The following XIRP2 variants were observed in gnomAD, a reference collection of about 807,000 sequenced individuals.
XIRP2 encodes the protein xin actin binding repeat containing 2, also known as xin actin-binding repeat-containing protein 2.
A neutral mutation model predicts 277.0 loss-of-function variants in XIRP2; 236 were observed. The ratio of observed to expected loss-of-function variants is 0.85; its 90% confidence interval spans 0.77 to 0.95. XIRP2 has a LOEUF of 0.95. XIRP2 is among the 40% of genes least tolerant of loss of function. XIRP2 has a pLI of 0.00. For missense variants in XIRP2, 4,640 were observed against 4,157.5 expected (o/e 1.12, Z -3.19); for synonymous variants, 1,490 against 1,416.5 (o/e 1.05, Z -1.17).
intron 2 of XIRP2, among the ~76,000 whole-genome samples, chr2:167,035,918 G>A (rs894451157): frequency 6.6e-6 from 1 of 152,212 alleles, no homozygotes; most frequent in Admixed American, 6.5e-5. Flanking sequence ...ATGGCTGAAA[G>A]GGCCCAACAT....
In XIRP2 at chr2:167,244,477, T is replaced by A. The variant is rs1695182274; in HGVS notation, c.3085T>A (p.Phe1029Ile). Residue 1029 changes from phenylalanine to isoleucine, a missense_variant, in exon 9 of 11, where the codon TTT (phenylalanine) becomes ATT (isoleucine). By Grantham distance (21) the Phe-to-Ile change is conservative. Transcript: ENST00000409195. ...WLFETRPIDQ[F>I]DESIHKFQII... Reference sequence around the variant, plus strand: ...TTTTGAAACAAGGCCCATTGACCAGTTTGATGAAAGCATTCATAAATTTCA... The same window carrying A: ...TTTTGAAACAAGGCCCATTGACCAGATTGATGAAAGCATTCATAAATTTCA... 3 of 1,613,710 alleles carry A rather than the reference T, an allele frequency of 1.9e-6. No individual in the cohort carries two copies. The African/African-American group carries it at 4.0e-5, about 22-fold the overall frequency.
At chr2:167,034,079 A>G (rs959205364) in intron 2 of XIRP2, among the ~76,000 whole-genome samples, 4 of 152,200 alleles carry the variant, frequency 2.6e-5, no homozygotes, top group African/African-American at 9.6e-5. Context: ...CAATGTTTCA[A>G]GACATAAACA....
intron 2 of XIRP2, among the ~76,000 whole-genome samples, chr2:167,135,480 A>G (rs1157653803): frequency 6.6e-6 from 1 of 152,156 alleles, no homozygotes; most frequent in East Asian, 1.9e-4. Flanking sequence ...TAAGGTTATC[A>G]TTACAGGGTG....
At chr2:166,929,064 A>C (rs1685260170) in intron 2 of XIRP2, among the ~76,000 whole-genome samples, 1 of 152,074 alleles carries the variant, frequency 6.6e-6, no homozygotes. Context: ...ACTGATCCCC[A>C]ACCAGCAGCC....
chr2:167,088,379 C>T (rs1360274162), intron 2 of XIRP2, among the ~76,000 whole-genome samples: 2 of 152,122 alleles, frequency 1.3e-5, no homozygotes, highest in Non-Finnish European at 2.9e-5. Context: ...TGTTTCCACA[C>T]CACTGCCACT....
intron 2 of XIRP2, among the ~76,000 whole-genome samples, chr2:167,086,897 T>C (rs1222755722): frequency 1.3e-5 from 2 of 152,218 alleles, no homozygotes; most frequent in Admixed American, 1.3e-4. Flanking sequence ...AATGTCCTCC[T>C]GTAGCTCAGA....
intron 2 of XIRP2, among the ~76,000 whole-genome samples, chr2:167,104,762 G>A (rs1311907170): frequency 1.3e-5 from 2 of 151,996 alleles, no homozygotes; most frequent in African/African-American, 4.8e-5. Context: ...AGACATGTAT[G>A]AACCAAATCA....
intron 3 of XIRP2, among the ~76,000 whole-genome samples, chr2:167,203,412 A>C (rs1693774609): frequency 6.6e-6 from 1 of 152,166 alleles, no homozygotes; most frequent in Non-Finnish European, 1.5e-5. Flanking sequence ...AAATGAATGG[A>C]TGGATTTTTG....
chr2:167,069,294 A>G (rs1260563116), intron 2 of XIRP2, among the ~76,000 whole-genome samples: 1 of 152,114 alleles, frequency 6.6e-6, no homozygotes, highest in Non-Finnish European at 1.5e-5. Flanking sequence ...AGATGGTTGA[A>G]TTCACTAATG....
In XIRP2 at chr2:167,249,097, A is replaced by G. The variant is rs1229812042; in HGVS notation, c.7705A>G (p.Asn2569Asp). Reference protein sequence around the residue: ...EKQKQESSYYNIVKTQSQNQH... With the variant: ...EKQKQESSYYDIVKTQSQNQH... ...ACAGAAACAGGAGAGTTCTTACTAC[A>G]ACATTGTTAAAACTCAAAGCCAAAA... is the stretch of plus-strand genomic sequence containing the variant. Residue 2569 changes from asparagine to aspartate, a missense_variant, in exon 9 of 11, where the codon AAC becomes GAC. Asn to Asp is a conservative substitution (Grantham distance 23). Transcript: ENST00000409195. 4 of 1,613,678 alleles carry G rather than the reference A, an allele frequency of 2.5e-6. No individual in the cohort carries two copies. The highest frequency in any genetic ancestry group is 3.4e-6 in the Non-Finnish European group (4 of 1,179,816).
chr2:167,093,216 A>T (rs1690199501), intron 2 of XIRP2, among the ~76,000 whole-genome samples: 1 of 151,720 alleles, frequency 6.6e-6, no homozygotes, highest in African/African-American at 2.4e-5. Context: ...TATTAAGTAG[A>T]TATTAAGAAT....
rs953910968 is a variant in XIRP2, at chr2:167,215,851, A to G, written c.724-2315A>G. On this transcript the variant is annotated intron_variant, in intron 4 of 10. Transcript: ENST00000409195. ...TCATCAAAACCAATGCACCTGAGCT[A>G]CTTCTGCACTTCCCGAAGGGGCATA... Among the ~76,000 whole-genome samples, 6 of 152,324 alleles carry G rather than the reference A, an allele frequency of 3.9e-5. No homozygotes were observed. The South Asian group carries it at 1.2e-3, about 32-fold the overall frequency.
intron 3 of XIRP2, among the ~76,000 whole-genome samples, chr2:167,152,478 A>T (rs73017970): frequency 0.099 from 15,031 of 152,168 alleles, 791 homozygotes; most frequent in South Asian, 0.15. Flanking sequence ...GTCCGCTGTG[A>T]CACATAAAAC....
intron 2 of XIRP2, among the ~76,000 whole-genome samples, chr2:167,022,285 T>G (rs1172514512): frequency 2.0e-5 from 3 of 152,076 alleles, no homozygotes; most frequent in Non-Finnish European, 4.4e-5. Context: ...AATGAGTAAT[T>G]CAAAATCATA....
intron 2 of XIRP2, among the ~76,000 whole-genome samples, chr2:167,107,647 A>G (rs1431023989): frequency 1.3e-5 from 2 of 151,354 alleles, no homozygotes; most frequent in Admixed American, 6.6e-5. Flanking sequence ...ATATTGGTCT[A>G]TAGTTTTTGG....
chr2:167,168,589 G>T (rs60789884), intron 3 of XIRP2, among the ~76,000 whole-genome samples: 16,305 of 152,022 alleles, frequency 0.11, 1,829 homozygotes, highest in African/African-American at 0.29. Context: ...TTCCTTTTTG[G>T]TTTTTTCTTA....
chr2:167,035,566 G>A lies in XIRP2; in HGVS notation c.409-100343G>A, dbSNP rs141402936. ...TTCTAAGCAGCAAAGCATTCAAGAG[G>A]TGACTTGGGTACTGTTAAAGGCATT... On this transcript the variant is annotated intron_variant, in intron 2 of 10. Transcript: ENST00000409195. 4.7e-4 allele frequency among the ~76,000 whole-genome samples: 71 copies of A among 152,296 alleles called. 1 individual carries two copies. Among genetic ancestry groups the A allele is most frequent in the African/African-American group, 1.7e-3 (69 of 41,572 alleles).
At chr2:166,959,717 T>C (rs1219724701) in intron 2 of XIRP2, among the ~76,000 whole-genome samples, 1 of 151,814 alleles carries the variant, frequency 6.6e-6, no homozygotes, top group African/African-American at 2.4e-5. Context: ...AGTTAGACTT[T>C]AATACCCTCA....
rs755600896 is a variant in XIRP2, at chr2:167,243,771, A to C, written c.2379A>C (p.Arg793=). 5 of 1,614,086 alleles carry C rather than the reference A, an allele frequency of 3.1e-6. No homozygotes were observed. In the African/African-American group the frequency reaches 5.3e-5, roughly 17 times the overall value. Residue 793 remains arginine (R), a synonymous_variant, in exon 9 of 11, where the codon CGA becomes CGC. Transcript: ENST00000409195. ...ATATCACAGAAATTAAAGTTGTCCG[A>C]GGAATATCCATGGAAGAAAATGTCA... The part of the protein sequence containing the change: ...NKDITEIKVV[R]GISMEENVKG...
Sources: allele counts gnomAD v4.1 joint callset (sites outside exome capture counted in the v4.1 genomes callset), GRCh38; gene constraint gnomAD v4.1.1; transcripts MANE v1.5; gene names NCBI Gene and HGNC (gene_info 2026-07-23, HGNC 2026-07-21).